Variants in DDX60 observed in about 807,000 individuals in gnomAD.
The protein encoded by DDX60 is probable ATP-dependent RNA helicase DDX60.
Under a neutral mutation model 212.8 loss-of-function variants are expected in DDX60, and 165 were observed. The ratio of observed to expected loss-of-function variants is 0.78; its 90% confidence interval spans 0.68 to 0.88. DDX60 has a LOEUF of 0.88. Ranked by LOEUF, DDX60 falls within the 40% of genes least tolerant of loss-of-function variation. The pLI, the probability that DDX60 is intolerant of heterozygous loss-of-function variation, is 0.00. For synonymous variants in DDX60, 703 were observed against 685.3 expected (o/e 1.03, Z -0.40); for missense variants, 1,905 against 2,003.9 (o/e 0.95, Z 0.94).
intron 13 of DDX60, among the ~76,000 whole-genome samples, chr4:168,283,188 A>T (rs751421210): frequency 6.6e-6 from 1 of 152,140 alleles, no homozygotes; most frequent in African/African-American, 2.4e-5. Flanking sequence ...AAATTTCTAA[A>T]CTCAAAACTT....
chr4:168,262,377 G>A (rs1734657099), intron 23 of DDX60, among the ~76,000 whole-genome samples: 2 of 151,350 alleles, frequency 1.3e-5, no homozygotes, highest in Middle Eastern at 3.2e-3. Flanking sequence ...GGAAGCAAGT[G>A]TAATAAAAAG....
At chr4:168,325,297 T>C in the DDX60 span, among the ~76,000 whole-genome samples, 1 of 152,248 alleles carries the variant, frequency 6.6e-6, no homozygotes, top group African/African-American at 2.4e-5. Context: ...GCTACTTATT[T>C]CTCCAGCTAC....
intron 1 of DDX60, among the ~76,000 whole-genome samples, chr4:168,313,064 C>A (rs1385240925): frequency 6.6e-6 from 1 of 152,072 alleles, no homozygotes; most frequent in African/African-American, 2.4e-5. Context: ...CCTTGTACAA[C>A]CCAGTGTAAG....
chr4:168,235,013 T>C (rs1733582894), intron 33 of DDX60, among the ~76,000 whole-genome samples: 1 of 152,088 alleles, frequency 6.6e-6, no homozygotes, highest in Admixed American at 6.6e-5. Context: ...GATCCACCTT[T>C]TTCCTATAGC....
rs917037386 is a variant in DDX60, at chr4:168,216,374, T to C, written c.*559A>G. 1 of 152,250 alleles carries C rather than the reference T, an allele frequency of 6.6e-6. No homozygotes were observed. Among genetic ancestry groups the C allele is most frequent in the Non-Finnish European group, 1.5e-5 (1 of 68,058 alleles). The allele number at this position is 152,250 out of a possible 1,614,324, so 9.4% of individuals were successfully genotyped here. ...TTACAATAAAGCAAATCATTCTCTA[T>C]ATTTTTGTTAAATCATCACAAAATG... On this transcript the variant is annotated 3_prime_UTR_variant, in exon 38 of 38. Coordinates refer to ENST00000393743, the MANE Select transcript of DDX60 (RefSeq NM_017631.6).
At chr4:168,248,658 T>C (rs550796720) in intron 28 of DDX60, among the ~76,000 whole-genome samples, 1 of 152,322 alleles carries the variant, frequency 6.6e-6, no homozygotes, top group South Asian at 2.1e-4. Context: ...ACCTCAATAA[T>C]ATTACTTGTT....
In DDX60 at chr4:168,237,290, C is replaced by G; in HGVS notation, c.4407G>C (p.Arg1469Ser). ...TATATAAAATCTCAAGCTTACCTTTCCTGGTTGGCTGACAGAGATCATGGA... is the reference window on the plus strand; with the variant it reads ...TATATAAAATCTCAAGCTTACCTTTGCTGGTTGGCTGACAGAGATCATGGA... Reference protein sequence around the residue: ...GLFHDLCQPTRKGSKHFSQDV... With the variant: ...GLFHDLCQPTSKGSKHFSQDV... Residue 1469 changes from arginine to serine, a missense_variant, in exon 32 of 38, where the codon AGG becomes AGC. By Grantham distance (110) the Arg-to-Ser change is moderately radical. Coordinates refer to ENST00000393743, the MANE Select transcript of DDX60 (RefSeq NM_017631.6). The G allele has an allele frequency of 6.5e-7, 1 of 1,541,252 alleles. No homozygotes were observed. The highest frequency in any genetic ancestry group is 1.4e-5 in the African/African-American group (1 of 72,802).
At position 168,308,162 on chromosome 4, in the gene DDX60, A is replaced by C; in HGVS notation, c.108T>G (p.Ser36=). 3.8e-6 allele frequency: 6 copies of C among 1,582,956 alleles called. No individual in the cohort carries two copies. The highest frequency in any genetic ancestry group is 4.3e-6 in the Non-Finnish European group (5 of 1,162,868). The stretch of plus-strand genomic sequence containing the variant: ...AATCCCCATCAATCAAAAAAAATTC[A>C]GATTCAACAAAATCATTGAATAAAC... The part of the protein sequence containing the change: ...YSSLFNDFVE[S]EFFLIDGDSL... The change falls in exon 4 of 38, where the codon TCT becomes TCG. Residue 36 remains serine, a synonymous_variant. Transcript: ENST00000393743.
At chr4:168,247,726 C>T (rs1420989193) in intron 29 of DDX60, among the ~76,000 whole-genome samples, 1 of 152,096 alleles carries the variant, frequency 6.6e-6, no homozygotes, top group Non-Finnish European at 1.5e-5. Flanking sequence ...AATCAAATAC[C>T]TCTATGGGAC....
chr4:168,276,167 C>A lies in DDX60; in HGVS notation c.1993G>T (p.Asp665Tyr). The change falls in exon 15 of 38, where the codon GAT becomes TAT. Residue 665 changes from aspartate (D) to tyrosine (Y), a missense_variant. Physicochemically the swap from Asp to Tyr is radical, Grantham distance 160. Coordinates refer to ENST00000393743, the MANE Select transcript of DDX60 (RefSeq NM_017631.6). ...CRSEEGKTTK[D>Y]LSIAVQVMKR... The stretch of plus-strand genomic sequence containing the variant: ...ATCACCTGAACAGCTATACTTAAAT[C>A]TTTCGTGGTTTTACCTTGATAAACA... 1 of 1,605,576 alleles carries A rather than the reference C, an allele frequency of 6.2e-7. No individual in the cohort carries two copies. The highest frequency in any genetic ancestry group is 8.5e-7 in the Non-Finnish European group (1 of 1,175,592).
Position 168,308,175 on chromosome 4 carries a change from T to C in DDX60, c.95A>G (p.Asp32Gly). The change falls in exon 4 of 38, where the codon GAT becomes GGT. Residue 32 changes from aspartate to glycine, a missense_variant. Physicochemically the swap from Asp to Gly is moderately conservative, Grantham distance 94. Transcript: ENST00000393743. Reference sequence around the variant, plus strand: ...CAAAAAAAATTCAGATTCAACAAAATCATTGAATAAACTGGAATATCTAAA... The same window carrying C: ...CAAAAAAAATTCAGATTCAACAAAACCATTGAATAAACTGGAATATCTAAA... ...PKAEYSSLFN[D>G]FVESEFFLID... 1.3e-6 allele frequency: 2 copies of C among 1,566,492 alleles called. No homozygotes were observed. The highest frequency in any genetic ancestry group is 1.7e-6 in the Non-Finnish European group (2 of 1,150,284).
rs373398239 is a variant in DDX60 at position 168,271,053 on chromosome 4, T to A, written c.2670+990A>T. Among the ~76,000 whole-genome samples the A allele has an allele frequency of 4.5e-3, 678 of 152,044 alleles. 6 individuals carry two copies. The highest frequency in any genetic ancestry group is 7.5e-3 in the Non-Finnish European group (510 of 67,978). On this transcript the variant is annotated intron_variant, in intron 19 of 37. Transcript: ENST00000393743. ...CCACCACACCCAGCTAATTTTTGTA[T>A]TTTTAGTAGAGATGGGGTTTCACCA...
intron 4 of DDX60, 123 bp from the exon 5 acceptor site, chr4:168,306,843 G>A (rs987334170): frequency 1.6e-4 from 113 of 721,388 alleles, no homozygotes; most frequent in Middle Eastern, 1.1e-3. Flanking sequence ...TCTGATGGTC[G>A]GGGAATAGAC....
intron 30 of DDX60, 79 bp from the exon 31 acceptor site, chr4:168,237,874 T>C: frequency 1.9e-6 from 2 of 1,050,158 alleles, no homozygotes; most frequent in Non-Finnish European, 2.8e-6. Context: ...AAATGATAGA[T>C]CAATATCTAT....
intron 37 of DDX60, among the ~76,000 whole-genome samples, chr4:168,218,092 C>T (rs1327906771): frequency 6.6e-6 from 1 of 152,078 alleles, no homozygotes; most frequent in Non-Finnish European, 1.5e-5. Flanking sequence ...TCTTATCAGC[C>T]TTTTATTATT....
intron 6 of DDX60, among the ~76,000 whole-genome samples, chr4:168,298,350 A>C (rs1382520472): frequency 6.6e-6 from 1 of 151,518 alleles, no homozygotes; most frequent in Non-Finnish European, 1.5e-5. Context: ...TAAGACACAC[A>C]ACTAAAACAA....
chr4:168,319,397 T>C (rs920592412), upstream of DDX60, among the ~76,000 whole-genome samples: 4 of 152,120 alleles, frequency 2.6e-5, no homozygotes, highest in Non-Finnish European at 5.9e-5. Context: ...CACAATGAAA[T>C]TGGAGATCTT....
rs371226950 is a variant in DDX60, at chr4:168,246,631, T to A, written c.3964-13A>T. 6.2e-7 allele frequency: 1 copy of A among 1,613,518 alleles called. No individual in the cohort carries two copies. Among genetic ancestry groups the A allele is most frequent in the Non-Finnish European group, 8.5e-7 (1 of 1,179,664 alleles). On this transcript the variant is annotated splice_polypyrimidine_tract_variant and intron_variant, in intron 29 of 37. Coordinates refer to ENST00000393743, the MANE Select transcript of DDX60 (RefSeq NM_017631.6). ...CACGGCCAGACATCTGAAAAGAGAA[T>A]AGAATTACAATGTAAAACTTCCCTA... is the stretch of plus-strand genomic sequence containing the variant.
rs368802134 is a variant in DDX60 at position 168,285,896 on chromosome 4, A to AAAGGAAGGAAGG, written c.1340-410_1340-399dup. Among the ~76,000 whole-genome samples, 473 of 114,740 alleles carry AAAGGAAGGAAGG rather than the reference A, an allele frequency of 4.1e-3. 6 individuals are homozygous for AAAGGAAGGAAGG. The highest frequency in any genetic ancestry group is 0.014 in the East Asian group (45 of 3,228). 75.3% of individuals were successfully genotyped at this position (114,740 alleles called of 152,430 possible). A position where few individuals can be genotyped will look rare whatever the true frequency, so the allele number is the denominator to read the frequency against. On this transcript the variant is annotated intron_variant, in intron 10 of 37. Transcript: ENST00000393743. ...GGGAAGAAGAAAGGAAGGAGGGAAG[A>AAAGGAAGGAAGG]AAGGAAGGAAGGAAGGAAGGAAGGA...
Sources: allele counts gnomAD v4.1 joint callset (sites outside exome capture counted in the v4.1 genomes callset), GRCh38; gene constraint gnomAD v4.1.1; transcripts MANE v1.5; gene names NCBI Gene and HGNC (gene_info 2026-07-23, HGNC 2026-07-21).